Variants in NSD1 observed in about 807,000 individuals in gnomAD.
NSD1 encodes the protein nuclear receptor binding SET domain protein 1.
In NSD1, 26 loss-of-function variants were observed where a neutral mutation model predicts 242.7. The ratio of observed to expected loss-of-function variants is 0.11; its 90% CI spans 0.08 to 0.15. The LOEUF is 0.15. NSD1 is among the 10% of genes least tolerant of loss of function. The pLI, the probability that NSD1 is intolerant of heterozygous loss-of-function variation, is 1.00. For synonymous variants in NSD1, 1,106 were observed against 1,178.1 expected, an observed-to-expected ratio of 0.94 and a Z score of 1.25; for missense variants, 2,495 against 3,272.8, an observed-to-expected ratio of 0.76 and a Z score of 5.80.
chr5:177,201,948 C>T (rs543034043), intron 3 of NSD1, among the ~76,000 whole-genome samples: 1 of 151,808 alleles, frequency 6.6e-6, no homozygotes, highest in South Asian at 2.1e-4. Flanking sequence ...GGGCGGATCA[C>T]CTGAGGTCGG....
chr5:177,280,478 T>TA, intron 17 of NSD1, 87 bp from the exon 18 acceptor site: 1 of 1,511,752 alleles, frequency 6.6e-7, no homozygotes, highest in Non-Finnish European at 9.2e-7. Flanking sequence ...GGCTGCAACT[T>TA]CAAGGAAAAA....
At chr5:177,261,461 A>G (rs1756996949) in intron 14 of NSD1, among the ~76,000 whole-genome samples, 1 of 151,874 alleles carries the variant, frequency 6.6e-6, no homozygotes. Context: ...TATCCTTATC[A>G]TCCCTGACAA....
chr5:177,171,189 C>G (rs538359673), intron 2 of NSD1, among the ~76,000 whole-genome samples: 53 of 152,050 alleles, frequency 3.5e-4, no homozygotes, highest in African/African-American at 1.3e-3. Context: ...CGCCTGTAGT[C>G]CCAGCTACTC....
At chr5:177,271,252 G>C (rs1468386021) in intron 16 of NSD1, among the ~76,000 whole-genome samples, 1 of 152,186 alleles carries the variant, frequency 6.6e-6, no homozygotes, top group Non-Finnish European at 1.5e-5. Flanking sequence ...TGTGGGAACA[G>C]AGCAAGAAGA....
chr5:177,192,791 A>G (rs1429371056), intron 3 of NSD1, among the ~76,000 whole-genome samples: 1 of 152,164 alleles, frequency 6.6e-6, no homozygotes, highest in African/African-American at 2.4e-5. Flanking sequence ...TTAGACTCCC[A>G]AAGTATGGGG....
chr5:177,236,874 G>A (rs1765489597), intron 6 of NSD1, among the ~76,000 whole-genome samples: 2 of 152,158 alleles, frequency 1.3e-5, no homozygotes, highest in East Asian at 1.9e-4. Flanking sequence ...ACAGTGTCTT[G>A]CCCAAGCTGG....
At chr5:177,181,051 T>G (rs1175304977) in intron 2 of NSD1, among the ~76,000 whole-genome samples, 1 of 151,682 alleles carries the variant, frequency 6.6e-6, no homozygotes, top group Non-Finnish European at 1.5e-5. Flanking sequence ...TCTTTTTTTT[T>G]TTTTTGAGAT....
chr5:177,158,237 A>ATTTCTT (rs1758298533), intron 2 of NSD1, among the ~76,000 whole-genome samples: 1 of 109,046 alleles, frequency 9.2e-6, no homozygotes, highest in Admixed American at 9.8e-5. Flanking sequence ...ATGGGTTCTA[A>ATTTCTT]TTTCTTTCTT....
At chr5:177,204,095 T>C (rs752323357) in intron 3 of NSD1, 25 bp from the exon 4 acceptor site, 1 of 1,610,036 alleles carries the variant, frequency 6.2e-7, no homozygotes, top group South Asian at 1.1e-5. Flanking sequence ...GATCTAATGA[T>C]TCTGGTTCTC....
intron 2 of NSD1, among the ~76,000 whole-genome samples, chr5:177,163,309 A>AT (rs1758912052): frequency 6.6e-6 from 1 of 151,876 alleles, no homozygotes; most frequent in African/African-American, 2.4e-5. Context: ...TGCCCGGCTA[A>AT]TTTTTGTATT....
At chr5:177,169,618 C>G (rs1337753504) in intron 2 of NSD1, 1 of 154,500 alleles carries the variant, frequency 6.5e-6, no homozygotes, top group Admixed American at 6.5e-5. Flanking sequence ...ATTGTCTCCA[C>G]TGCTTTATGA....
chr5:177,192,596 A>G (rs1761785983), intron 3 of NSD1, among the ~76,000 whole-genome samples: 1 of 152,106 alleles, frequency 6.6e-6, no homozygotes, highest in South Asian at 2.1e-4. Context: ...GGGTTTCTCC[A>G]TGTTGGTCAG....
chr5:177,136,001 T>C lies in NSD1; in HGVS notation c.898T>C (p.Ser300Pro), dbSNP rs2149757151. ...GNMLELPGTSSSSTSQELPFC... is the reference protein window; with the variant it reads ...GNMLELPGTSPSSTSQELPFC... ...CATGCTAGAATTACCTGGAACTTCA[T>C]CATCATCTACTTCACAGGAATTGCC... The change falls in exon 2 of 23, where the codon TCA becomes CCA. Residue 300 changes from serine (S) to proline (P), a missense_variant. Ser to Pro is a moderately conservative substitution (Grantham distance 74, BLOSUM62 -1). This residue lies in a region of NSD1 where 376 missense variants were observed against 367.4 expected (regional missense o/e 1.02). Coordinates refer to ENST00000439151, the MANE Select transcript of NSD1 (RefSeq NM_022455.5). 2 of 1,614,146 alleles carry C rather than the reference T, an allele frequency of 1.2e-6. No individual in the cohort carries two copies. The highest frequency in any genetic ancestry group is 4.5e-5 in the East Asian group (2 of 44,880).
intron 5 of NSD1, among the ~76,000 whole-genome samples, chr5:177,218,545 A>G (rs1581351121): frequency 6.7e-6 from 1 of 150,080 alleles, no homozygotes; most frequent in Admixed American, 6.6e-5. Context: ...CCAAGATTAA[A>G]TTCCACTTGG....
intron 3 of NSD1, among the ~76,000 whole-genome samples, chr5:177,200,905 T>C (rs927588818): frequency 1.4e-4 from 22 of 152,128 alleles, no homozygotes; most frequent in Admixed American, 2.6e-4. Context: ...TTGTATTTTT[T>C]TTTTTTTGGA....
In NSD1 at chr5:177,154,734, C is replaced by T. The variant is rs180958099; in HGVS notation, c.927+18704C>T. 5.4e-3 allele frequency among the ~76,000 whole-genome samples: 822 copies of T among 152,164 alleles called. 6 individuals carry two copies. The highest frequency in any genetic ancestry group is 0.019 in the African/African-American group (775 of 41,512). ...TTTTTGAGACAGAGTCTCCCTCTGT[C>T]GCCCCAGCTGGAATGCAATGGTGCG... On this transcript the variant is annotated intron_variant, in intron 2 of 22. Transcript: ENST00000439151.
intron 3 of NSD1, among the ~76,000 whole-genome samples, chr5:177,192,571 T>C (rs894437725): frequency 1.3e-5 from 2 of 152,096 alleles, no homozygotes; most frequent in African/African-American, 4.8e-5. Flanking sequence ...TAATTTTGTA[T>C]TTTTAGTAGA....
chr5:177,293,550 C>A (rs373278195), intron 22 of NSD1, among the ~76,000 whole-genome samples: 26 of 147,364 alleles, frequency 1.8e-4, no homozygotes, highest in African/African-American at 6.5e-4. Context: ...CCCTCACCTC[C>A]TTGCTGGAAA....
intron 2 of NSD1, chr5:177,137,053 A>G (rs1056095093): frequency 8.6e-6 from 4 of 465,736 alleles, no homozygotes; most frequent in Non-Finnish European, 1.2e-5. Context: ...GTTTTCAGTA[A>G]TGCTGTCAAG....
Sources: gnomAD v4.1 joint callset for allele counts (sites outside exome capture counted in the v4.1 genomes callset) on GRCh38, gnomAD v4.1.1 for gene constraint, gnomAD v4.1.1 regional missense constraint, MANE v1.5 for transcripts, NCBI Gene and HGNC (gene_info 2026-07-23, HGNC 2026-07-21) for gene names.